Variants in ZCCHC7 observed in about 807,000 individuals in gnomAD.
The protein encoded by ZCCHC7 is zinc finger CCHC-type containing 7.
A neutral mutation model predicts 52.0 loss-of-function variants in ZCCHC7; 35 were observed. That is an observed-to-expected ratio of 0.67 (90% CI 0.51 to 0.89). The LOEUF is 0.89. Ranked by LOEUF, ZCCHC7 falls within the 40% of genes least tolerant of loss-of-function variation. The pLI is 0.00. For missense variants in ZCCHC7, 574 were observed against 649.1 expected, an observed-to-expected ratio of 0.88 and a Z score of 1.26; for synonymous variants, 217 against 221.5, an observed-to-expected ratio of 0.98 and a Z score of 0.18.
intron 2 of ZCCHC7, among the ~76,000 whole-genome samples, chr9:37,260,965 T>A (rs1411611170): frequency 1.3e-5 from 2 of 152,216 alleles, no homozygotes. Flanking sequence ...TTTTTATTAT[T>A]TCTGATCTTT....
intron 5 of ZCCHC7, among the ~76,000 whole-genome samples, chr9:37,315,894 G>C (rs1029910240): frequency 8.9e-5 from 13 of 146,744 alleles, no homozygotes; most frequent in Non-Finnish European, 1.7e-4. Flanking sequence ...AGGGAAGGTA[G>C]TAGTGGGTAG....
intron 2 of ZCCHC7, among the ~76,000 whole-genome samples, chr9:37,167,918 C>CA (rs770056000): frequency 6.6e-6 from 1 of 152,210 alleles, no homozygotes; most frequent in Non-Finnish European, 1.5e-5. Context: ...TTGGGTGATT[C>CA]TTTCCCCAGC....
intron 5 of ZCCHC7, among the ~76,000 whole-genome samples, chr9:37,311,282 C>G (rs1265010057): frequency 2.0e-5 from 3 of 152,136 alleles, no homozygotes; most frequent in African/African-American, 7.2e-5. Context: ...TACCTTTATT[C>G]AGCAATTTTT....
intron 2 of ZCCHC7, among the ~76,000 whole-genome samples, chr9:37,210,442 T>C (rs1196163832): frequency 6.6e-6 from 1 of 152,212 alleles, no homozygotes; most frequent in Non-Finnish European, 1.5e-5. Flanking sequence ...CATCCTATCT[T>C]ATATTACTGA....
In ZCCHC7 at chr9:37,305,692, A is replaced by G. The variant is rs908116529; in HGVS notation, c.929A>G (p.His310Arg). The change falls in exon 5 of 9, where the codon CAT becomes CGT. Residue 310 changes from histidine (H) to arginine (R), a missense_variant. Transcript: ENST00000336755. ...HSWDKQCDRC[H>R]MLGHYTDACT... Reference sequence around the variant, plus strand: ...TGGGATAAACAGTGTGACCGATGTCATATGCTAGGCCACTATACAGATGTG... The same window carrying G: ...TGGGATAAACAGTGTGACCGATGTCGTATGCTAGGCCACTATACAGATGTG... 19 of 1,614,040 alleles carry G rather than the reference A, an allele frequency of 1.2e-5. No homozygotes were observed. The African/African-American group carries it at 1.2e-4, about 10-fold the overall frequency.
intron 2 of ZCCHC7, among the ~76,000 whole-genome samples, chr9:37,284,812 A>G (rs185374992): frequency 3.3e-4 from 50 of 152,316 alleles, no homozygotes; most frequent in African/African-American, 1.2e-3. Flanking sequence ...GTAGGCCTCA[A>G]TAGTGCATAC....
intron 2 of ZCCHC7, among the ~76,000 whole-genome samples, chr9:37,271,753 A>G (rs1471825923): frequency 6.6e-6 from 1 of 151,940 alleles, no homozygotes; most frequent in Non-Finnish European, 1.5e-5. Flanking sequence ...TATTTTTAGG[A>G]GAGTCGAGGT....
chr9:37,194,887 T>A (rs1167248623), intron 2 of ZCCHC7, among the ~76,000 whole-genome samples: 1 of 152,136 alleles, frequency 6.6e-6, no homozygotes, highest in Non-Finnish European at 1.5e-5. Flanking sequence ...TCATTGTCAC[T>A]GCTTACTCTC....
At chr9:37,146,710 A>G (rs1322457168) in intron 2 of ZCCHC7, among the ~76,000 whole-genome samples, 2 of 151,348 alleles carry the variant, frequency 1.3e-5, no homozygotes, top group Non-Finnish European at 3.0e-5. Flanking sequence ...TTGGAAAATA[A>G]GAGAGAAGTC....
chr9:37,354,042 G>A lies in ZCCHC7; in HGVS notation c.1084-668G>A, dbSNP rs1821548509. Among the ~76,000 whole-genome samples, 1 of 152,176 alleles carries A rather than the reference G, an allele frequency of 6.6e-6. No individual in the cohort carries two copies. The highest frequency in any genetic ancestry group is 6.5e-5 in the Admixed American group (1 of 15,274). Reference sequence around the variant, plus strand: ...GTAGAGGCCAGAGTCATGAGAGTAGGAAGCTGTCCTGGGAAAATGAGTAAG... The same window carrying A: ...GTAGAGGCCAGAGTCATGAGAGTAGAAAGCTGTCCTGGGAAAATGAGTAAG... On this transcript the variant is annotated intron_variant, in intron 7 of 8. Transcript: ENST00000336755. The surrounding 1 kb of genome is among the most constrained non-coding windows in gnomAD (Gnocchi z 4.0).
intron 6 of ZCCHC7, among the ~76,000 whole-genome samples, chr9:37,332,503 A>T (rs1283097998): frequency 2.6e-5 from 4 of 151,546 alleles, no homozygotes; most frequent in Non-Finnish European, 5.9e-5. Context: ...TTAAATACTT[A>T]TCTTGTTCTT....
intron 2 of ZCCHC7, among the ~76,000 whole-genome samples, chr9:37,203,265 G>A (rs958671250): frequency 1.3e-5 from 2 of 152,014 alleles, no homozygotes; most frequent in African/African-American, 2.4e-5. Flanking sequence ...GGTAATCCAG[G>A]TACGCAACAG....
At chr9:37,280,114 C>T (rs1355542675) in intron 2 of ZCCHC7, among the ~76,000 whole-genome samples, 1 of 151,778 alleles carries the variant, frequency 6.6e-6, no homozygotes, top group Non-Finnish European at 1.5e-5. Context: ...GCACTCTAGC[C>T]TGGGCAACAG....
chr9:37,282,031 A>C (rs1314048115), intron 2 of ZCCHC7, among the ~76,000 whole-genome samples: 4 of 152,160 alleles, frequency 2.6e-5, no homozygotes, highest in Non-Finnish European at 4.4e-5. Context: ...TTCTATCTTA[A>C]ACCTTTTGAG....
intron 2 of ZCCHC7, among the ~76,000 whole-genome samples, chr9:37,250,635 CT>C: frequency 6.6e-6 from 1 of 152,114 alleles, no homozygotes; most frequent in Non-Finnish European, 1.5e-5. Flanking sequence ...CTTTTCTAGG[CT>C]TATTGGCCAT....
At chr9:37,231,872 C>T (rs1359725082) in intron 2 of ZCCHC7, among the ~76,000 whole-genome samples, 1 of 152,150 alleles carries the variant, frequency 6.6e-6, no homozygotes, top group Non-Finnish European at 1.5e-5. Flanking sequence ...AGGAAGTACT[C>T]TCAGTGTTTT....
chr9:37,202,630 GCCA>G (rs1324496084), intron 2 of ZCCHC7, among the ~76,000 whole-genome samples: 1 of 152,026 alleles, frequency 6.6e-6, no homozygotes, highest in African/African-American at 2.4e-5. Flanking sequence ...TCAGTTGTGA[GCCA>G]CCATGCCCAG....
intron 2 of ZCCHC7, among the ~76,000 whole-genome samples, chr9:37,172,934 C>A (rs545888226): frequency 3.2e-4 from 49 of 151,878 alleles, no homozygotes; most frequent in African/African-American, 1.2e-3. Context: ...GCAACGTGGG[C>A]ATTCCAATAG....
intron 6 of ZCCHC7, among the ~76,000 whole-genome samples, chr9:37,341,357 A>G (rs79748448): frequency 0.051 from 7,799 of 152,240 alleles, 640 homozygotes; most frequent in African/African-American, 0.18. Flanking sequence ...GAGCTAAATC[A>G]TATTGGATGA....
Sources: allele counts gnomAD v4.1 joint callset (sites outside exome capture counted in the v4.1 genomes callset), GRCh38; gene constraint gnomAD v4.1.1; non-coding constraint Gnocchi (gnomAD v3.1); transcripts MANE v1.5; gene names NCBI Gene and HGNC (gene_info 2026-07-23, HGNC 2026-07-21).